The following APLF variants were observed in gnomAD, a reference collection of about 807,000 sequenced individuals.
APLF encodes aprataxin and PNKP like factor, also known as aprataxin and PNK-like factor.
A neutral mutation model predicts 55.6 loss-of-function variants in APLF; 61 were observed. The observed-to-expected ratio is 1.10, with a 90% confidence interval of 0.89 to 1.36. APLF has a LOEUF of 1.36. Ranked by LOEUF, APLF falls within the 40% of genes most tolerant of loss-of-function variation. APLF has a pLI of 0.00. For missense variants in APLF, 611 were observed against 602.5 expected, an observed-to-expected ratio of 1.01 and a Z score of -0.15; for synonymous variants, 207 against 214.8, an observed-to-expected ratio of 0.96 and a Z score of 0.32.
intron 6 of APLF, among the ~76,000 whole-genome samples, chr2:68,533,959 G>T (rs1460236502): frequency 6.6e-6 from 1 of 152,134 alleles, no homozygotes; most frequent in Non-Finnish European, 1.5e-5. Context: ...GATTGGAAAA[G>T]AACAAGATAA....
chr2:68,538,772 T>A (rs1194646230), intron 7 of APLF, among the ~76,000 whole-genome samples: 2 of 149,510 alleles, frequency 1.3e-5, no homozygotes, highest in Non-Finnish European at 3.0e-5. Flanking sequence ...ATTCAAATTA[T>A]AATCTCTTAG....
chr2:68,541,335 A>G (rs867070981), intron 7 of APLF, among the ~76,000 whole-genome samples: 64 of 152,166 alleles, frequency 4.2e-4, no homozygotes, highest in Middle Eastern at 6.8e-3. Flanking sequence ...TTTAAATATA[A>G]TATTAGAAGG....
chr2:68,509,197 T>C (rs558671511), intron 3 of APLF, among the ~76,000 whole-genome samples: 2 of 151,812 alleles, frequency 1.3e-5, no homozygotes, highest in Non-Finnish European at 2.9e-5. Context: ...AAAGCAATGG[T>C]AACAAAAGCC....
chr2:68,544,730 G>A (rs1174048408), intron 7 of APLF, among the ~76,000 whole-genome samples: 7 of 152,194 alleles, frequency 4.6e-5, no homozygotes, highest in East Asian at 1.9e-4. Flanking sequence ...TTACCTTTGC[G>A]TAGTAAATGG....
chr2:68,528,605 G>A (rs1670151948), intron 6 of APLF: 10 of 1,533,848 alleles, frequency 6.5e-6, no homozygotes, highest in Non-Finnish European at 8.7e-6. Context: ...TGGAGAGCTG[G>A]GCAGGTGGTC....
At chr2:68,500,012 T>C (rs1219511008) in intron 2 of APLF, among the ~76,000 whole-genome samples, 1 of 152,226 alleles carries the variant, frequency 6.6e-6, no homozygotes, top group African/African-American at 2.4e-5. Context: ...CTTTTATTTT[T>C]TGTGTAATTA....
chr2:68,560,175 C>A (rs1332950701), intron 8 of APLF, among the ~76,000 whole-genome samples: 1 of 152,058 alleles, frequency 6.6e-6, no homozygotes, highest in Non-Finnish European at 1.5e-5. Flanking sequence ...TTCTTCATGG[C>A]AATCACTTCC....
chr2:68,490,030 T>C (rs778168916), intron 1 of APLF, among the ~76,000 whole-genome samples, 160 bp from the exon 2 acceptor site: 2 of 152,182 alleles, frequency 1.3e-5, no homozygotes, highest in Non-Finnish European at 2.9e-5. Context: ...ATTTGTTAAA[T>C]GAGGACAATC....
chr2:68,570,664 G>A (rs1230697827), intron 9 of APLF, among the ~76,000 whole-genome samples: 1 of 152,138 alleles, frequency 6.6e-6, no homozygotes. Flanking sequence ...CGGTGTATAT[G>A]TGCCACATTT....
intron 2 of APLF, among the ~76,000 whole-genome samples, chr2:68,492,240 A>T (rs1676392870): frequency 6.6e-6 from 1 of 151,886 alleles, no homozygotes; most frequent in Admixed American, 6.6e-5. Flanking sequence ...GCACTTTGGG[A>T]GGCCGGGGTG....
At chr2:68,535,555 C>T (rs1026226991) in intron 6 of APLF, among the ~76,000 whole-genome samples, 2 of 148,778 alleles carry the variant, frequency 1.3e-5, no homozygotes, top group African/African-American at 5.0e-5. Context: ...CATAGTATTT[C>T]ATAGTAAGAA....
At chr2:68,534,981 A>G (rs1318758982) in intron 6 of APLF, among the ~76,000 whole-genome samples, 4 of 152,236 alleles carry the variant, frequency 2.6e-5, no homozygotes, top group African/African-American at 7.2e-5. Context: ...TTGAATGCCA[A>G]GGGTGTACTA....
intron 2 of APLF, among the ~76,000 whole-genome samples, chr2:68,496,721 C>T (rs1240684879): frequency 1.3e-5 from 2 of 152,160 alleles, no homozygotes; most frequent in African/African-American, 4.8e-5. Flanking sequence ...AGGGTGTGAA[C>T]CAAATGCAGC....
Position 68,579,197 on chromosome 2 carries a change from A to G in APLF, c.*1175A>G, listed in dbSNP as rs182594416. 45 of 760,858 alleles carry G rather than the reference A, an allele frequency of 5.9e-5. No homozygotes were observed. The African/African-American group carries it at 7.4e-4, about 12-fold the overall frequency. The allele number at this position is 760,858 out of a possible 1,614,324, so 47.1% of individuals were successfully genotyped here. The stretch of plus-strand genomic sequence containing the variant: ...TAATATTTTCTCATTGCTTTAAAAT[A>G]TATCTCCCAGTAATTATACAATATT... On this transcript the variant is annotated 3_prime_UTR_variant, in exon 10 of 10. Coordinates refer to ENST00000303795, the MANE Select transcript of APLF (RefSeq NM_173545.3).
At chr2:68,571,888 A>G (rs1671479387) in intron 9 of APLF, among the ~76,000 whole-genome samples, 1 of 152,054 alleles carries the variant, frequency 6.6e-6, no homozygotes, top group Non-Finnish European at 1.5e-5. Context: ...TATCATCAAT[A>G]TTTTATCTAA....
chr2:68,571,896 T>G (rs1260556962), intron 9 of APLF, among the ~76,000 whole-genome samples: 3 of 152,220 alleles, frequency 2.0e-5, no homozygotes, highest in Non-Finnish European at 4.4e-5. Flanking sequence ...ATATTTTATC[T>G]AATTATTGGG....
chr2:68,504,990 A>T (rs1332600568), intron 3 of APLF, among the ~76,000 whole-genome samples: 1 of 152,062 alleles, frequency 6.6e-6, no homozygotes, highest in East Asian at 1.9e-4. Flanking sequence ...AAGGGTGCAG[A>T]TTATGTGGGT....
At chr2:68,509,946 T>C (rs1301188239) in intron 3 of APLF, among the ~76,000 whole-genome samples, 1 of 151,728 alleles carries the variant, frequency 6.6e-6, no homozygotes, top group Non-Finnish European at 1.5e-5. Flanking sequence ...GAAACCATCA[T>C]TCTCAGCAAA....
At chr2:68,521,100 A>G (rs923856377) in intron 5 of APLF, among the ~76,000 whole-genome samples, 2 of 151,410 alleles carry the variant, frequency 1.3e-5, no homozygotes, top group African/African-American at 2.4e-5. Flanking sequence ...TTTTGCAGCT[A>G]TTGTAAAGGG....
Sources: allele counts gnomAD v4.1 joint callset (sites outside exome capture counted in the v4.1 genomes callset), GRCh38; gene constraint gnomAD v4.1.1; transcripts MANE v1.5; gene names NCBI Gene and HGNC (gene_info 2026-07-23, HGNC 2026-07-21).